The following GABRG2 variants were observed in gnomAD, a reference collection of about 807,000 sequenced individuals.
GABRG2 encodes gamma-aminobutyric acid receptor subunit gamma-2.
In GABRG2, 16 loss-of-function variants were observed where a neutral mutation model predicts 56.4. The ratio of observed to expected loss-of-function variants is 0.28; its 90% CI spans 0.19 to 0.43. The LOEUF (loss-of-function observed/expected upper bound fraction) is 0.43. Ranked by LOEUF, GABRG2 falls within the 20% of genes least tolerant of loss-of-function variation. The pLI is 1.00. For synonymous variants in GABRG2, 208 were observed against 205.5 expected (o/e 1.01, Z -0.10); for missense variants, 327 against 582.7 (o/e 0.56, Z 4.52).
intron 6 of GABRG2, among the ~76,000 whole-genome samples, chr5:162,139,730 T>C (rs1433409806): frequency 6.6e-6 from 1 of 152,228 alleles, no homozygotes; most frequent in Non-Finnish European, 1.5e-5. Flanking sequence ...TTACTAAAAT[T>C]GTCTAGCTTT....
intron 6 of GABRG2, among the ~76,000 whole-genome samples, chr5:162,127,381 T>C (rs1763411551): frequency 6.6e-6 from 1 of 151,974 alleles, no homozygotes; most frequent in Non-Finnish European, 1.5e-5. Context: ...TAGTTTGTTT[T>C]CTTCATCTAA....
intron 6 of GABRG2, among the ~76,000 whole-genome samples, chr5:162,106,803 A>G (rs1280816022): frequency 1.3e-5 from 2 of 151,388 alleles, no homozygotes; most frequent in Admixed American, 1.3e-4. Flanking sequence ...TTTTCTTTAA[A>G]TTGATTCATG....
intron 6 of GABRG2, among the ~76,000 whole-genome samples, chr5:162,104,377 G>C (rs1030940191): frequency 4.6e-5 from 7 of 152,136 alleles, no homozygotes; most frequent in Non-Finnish European, 7.4e-5. Flanking sequence ...CACAGGAAGA[G>C]TGAATTTTTT....
At chr5:162,126,882 A>G (rs1458998843) in intron 6 of GABRG2, among the ~76,000 whole-genome samples, 1 of 151,966 alleles carries the variant, frequency 6.6e-6, no homozygotes, top group Non-Finnish European at 1.5e-5. Context: ...TCCTGTATCT[A>G]CATTTCCTAC....
At chr5:162,110,753 G>C (rs1254475532) in intron 6 of GABRG2, among the ~76,000 whole-genome samples, 1 of 152,144 alleles carries the variant, frequency 6.6e-6, no homozygotes, top group Non-Finnish European at 1.5e-5. Flanking sequence ...GTCTCAGTGA[G>C]TTGTGAGCCT....
At chr5:162,140,672 A>G (rs1390491950) in intron 6 of GABRG2, among the ~76,000 whole-genome samples, 1 of 152,216 alleles carries the variant, frequency 6.6e-6, no homozygotes, top group African/African-American at 2.4e-5. Flanking sequence ...TAGCAAAGAA[A>G]AAAGAAGCAA....
At chr5:162,081,061 A>G (rs1011876836) in intron 1 of GABRG2, among the ~76,000 whole-genome samples, 1 of 152,128 alleles carries the variant, frequency 6.6e-6, no homozygotes, top group Non-Finnish European at 1.5e-5. Flanking sequence ...ACCATTGACA[A>G]AAGTATACTT....
At chr5:162,073,468 T>C (rs1758836106) in intron 1 of GABRG2, among the ~76,000 whole-genome samples, 1 of 151,908 alleles carries the variant, frequency 6.6e-6, no homozygotes, top group Non-Finnish European at 1.5e-5. Context: ...ATTGAGCAAA[T>C]CTATAGGAAA....
chr5:162,104,934 C>G (rs978631975), intron 6 of GABRG2, among the ~76,000 whole-genome samples: 9 of 152,084 alleles, frequency 5.9e-5, no homozygotes, highest in Admixed American at 2.6e-4. Context: ...CTTATATCCT[C>G]TATGTAGATT....
At chr5:162,127,914 G>A (rs1352826611) in intron 6 of GABRG2, among the ~76,000 whole-genome samples, 2 of 151,954 alleles carry the variant, frequency 1.3e-5, no homozygotes, top group Non-Finnish European at 2.9e-5. Flanking sequence ...CCACATGGAC[G>A]TAGTGAGAGC....
intron 1 of GABRG2, among the ~76,000 whole-genome samples, chr5:162,075,611 C>A (rs747469472): frequency 7.9e-5 from 12 of 152,148 alleles, no homozygotes; most frequent in Admixed American, 5.2e-4. Context: ...TAGCCTCTAA[C>A]GGATGTTCAA....
At chr5:162,121,892 T>G (rs1166374816) in intron 6 of GABRG2, among the ~76,000 whole-genome samples, 1 of 152,012 alleles carries the variant, frequency 6.6e-6, no homozygotes, top group Non-Finnish European at 1.5e-5. Context: ...TTAATGTAAT[T>G]GAAGGCATTT....
Position 162,153,297 on chromosome 5 carries a change from G to T in GABRG2, c.1357G>T (p.Ala453Ser). 1 of 1,614,016 alleles carries T rather than the reference G, an allele frequency of 6.2e-7. No individual in the cohort carries two copies. The highest frequency in any genetic ancestry group is 8.5e-7 in the Non-Finnish European group (1 of 1,179,970). ...CCGCATTGCCAAAATGGACTCCTAT[G>T]CTCGGATCTTCTTCCCCACTGCCTT... is the stretch of plus-strand genomic sequence containing the variant. The part of the protein sequence containing the change: ...HIRIAKMDSY[A>S]RIFFPTAFCL... The change falls in exon 10 of 10, where the codon GCT (alanine) becomes TCT (serine). Residue 453 changes from alanine to serine, a missense_variant. Transcript: ENST00000639213.
At chr5:162,092,793 G>T (rs548733264) in intron 1 of GABRG2, among the ~76,000 whole-genome samples, 16 of 152,206 alleles carry the variant, frequency 1.1e-4, no homozygotes, top group Middle Eastern at 3.4e-3. Flanking sequence ...GGGGGCAGGG[G>T]TGGGAAATGT....
chr5:162,151,651 C>G, intron 8 of GABRG2, 79 bp from the exon 9 acceptor site: 3 of 1,210,816 alleles, frequency 2.5e-6, no homozygotes, highest in East Asian at 4.7e-5. Context: ...TTTATCTTGT[C>G]TCTCTCTTTT....
chr5:162,092,968 G>C (rs537380202), intron 1 of GABRG2, among the ~76,000 whole-genome samples: 3 of 152,186 alleles, frequency 2.0e-5, no homozygotes, highest in South Asian at 2.1e-4. Context: ...CTTGGGACTT[G>C]GGTTAGGGGG....
intron 1 of GABRG2, among the ~76,000 whole-genome samples, chr5:162,071,984 C>A (rs1177101980): frequency 6.6e-6 from 1 of 151,610 alleles, no homozygotes; most frequent in African/African-American, 2.4e-5. Context: ...ACCCAGTCAC[C>A]CACTACTACC....
chr5:162,068,070 C>T lies in GABRG2; in HGVS notation c.71C>T (p.Thr24Met). Residue 24 changes from threonine (T) to methionine (M), a missense_variant, in exon 1 of 10, where the codon ACG becomes ATG. Physicochemically the swap from Thr to Met is moderately conservative, Grantham distance 81. This residue lies in a region of GABRG2 where 73 missense variants were observed against 72.2 expected (regional missense o/e 1.01). Transcript: ENST00000639213. ...ACTCCTGTATTTTCACAGAAAATGA[C>T]GGTGTGGATTCTGCTCCTGCTGTCG... is the stretch of plus-strand genomic sequence containing the variant. The part of the protein sequence containing the change: ...YSTPVFSQKM[T>M]VWILLLLSLY... The T allele has an allele frequency of 6.2e-7, 1 of 1,612,168 alleles. No homozygotes were observed. The highest frequency in any genetic ancestry group is 8.5e-7 in the Non-Finnish European group (1 of 1,179,332).
intron 1 of GABRG2, among the ~76,000 whole-genome samples, chr5:162,076,896 A>G (rs769204105): frequency 3.3e-5 from 5 of 152,082 alleles, no homozygotes; most frequent in African/African-American, 4.8e-5. Context: ...AACACTGCCC[A>G]AAATACCTTT....
Sources: gnomAD v4.1 joint callset for allele counts (sites outside exome capture counted in the v4.1 genomes callset) on GRCh38, gnomAD v4.1.1 for gene constraint, gnomAD v4.1.1 regional missense constraint, MANE v1.5 for transcripts, NCBI Gene and HGNC (gene_info 2026-07-23, HGNC 2026-07-21) for gene names.